The following HRH4 variants were observed in gnomAD, a reference collection of about 807,000 sequenced individuals.
HRH4 encodes histamine receptor H4.
HRH4 carries 12 observed loss-of-function variants against 10.4 expected under a neutral mutation model. That is an observed-to-expected ratio of 1.15 (90% CI 0.74 to 1.87). The LOEUF (loss-of-function observed/expected upper bound fraction) is 1.87. Among genes scored for constraint, HRH4 ranks in the 40% most tolerant of loss-of-function variants. The pLI, the probability that HRH4 is intolerant of heterozygous loss-of-function variation, is 0.00. For missense variants in HRH4, 415 were observed against 453.3 expected, an observed-to-expected ratio of 0.92 and a Z score of 0.77; for synonymous variants, 154 against 166.6, an observed-to-expected ratio of 0.92 and a Z score of 0.58.
At chr18:24,476,696 T>C (rs183259426) in intron 2 of HRH4, 51 bp from the exon 3 acceptor site, 1 of 1,321,058 alleles carries the variant, frequency 7.6e-7, no homozygotes. Context: ...AGATACTTTA[T>C]GCATTCAACA....
chr18:24,465,630 T>C (rs1472116291), intron 1 of HRH4, among the ~76,000 whole-genome samples: 7 of 152,192 alleles, frequency 4.6e-5, no homozygotes, highest in Admixed American at 1.3e-4. Context: ...AGAGAAATAG[T>C]TCAGATTCCG....
chr18:24,460,771 C>A lies in HRH4; in HGVS notation c.43C>A (p.Arg15Ser). 1.3e-6 allele frequency: 2 copies of A among 1,540,504 alleles called. No homozygotes were observed. Among genetic ancestry groups the A allele is most frequent in the Non-Finnish European group, 1.8e-6 (2 of 1,130,658 alleles). Residue 15 changes from arginine to serine, a missense_variant, in exon 1 of 3, where the codon CGT (arginine) becomes AGT (serine). Coordinates refer to ENST00000256906, the MANE Select transcript of HRH4 (RefSeq NM_021624.4). ...NSTINLSLST[R>S]VTLAFFMSLV... is the part of the protein sequence containing the mutation. ...CACAATCAATTTATCACTAAGCACTCGTGTTACTTTAGCATTTTTTATGTC... is the reference window on the plus strand; with the variant it reads ...CACAATCAATTTATCACTAAGCACTAGTGTTACTTTAGCATTTTTTATGTC...
At chr18:24,464,671 C>A (rs549600616) in intron 1 of HRH4, among the ~76,000 whole-genome samples, 193 of 152,158 alleles carry the variant, frequency 1.3e-3, no homozygotes, top group Non-Finnish European at 1.7e-3. Context: ...AGATGGGTGG[C>A]AATTTTAAAG....
chr18:24,465,077 A>G (rs1909738712), intron 1 of HRH4, among the ~76,000 whole-genome samples: 1 of 152,014 alleles, frequency 6.6e-6, no homozygotes, highest in Non-Finnish European at 1.5e-5. Context: ...ACTTGAGGCC[A>G]GGAGTTCGAG....
intron 1 of HRH4, among the ~76,000 whole-genome samples, chr18:24,467,476 G>A (rs1909807893): frequency 6.6e-6 from 1 of 152,184 alleles, no homozygotes; most frequent in South Asian, 2.1e-4. Flanking sequence ...AAGAAAGAGG[G>A]CATGGAGGAG....
Position 24,476,744 on chromosome 18 carries a change from T to G in HRH4, c.358-3T>G. ...ATATTGAAAATAATTTGGTTTCTTCTAGGTGTCTTATAGAACTCAACATAC... is the reference window on the plus strand; with the variant it reads ...ATATTGAAAATAATTTGGTTTCTTCGAGGTGTCTTATAGAACTCAACATAC... On this transcript the variant is annotated splice_region_variant and splice_polypyrimidine_tract_variant and intron_variant, in intron 2 of 2. Transcript: ENST00000256906. 6.2e-7 allele frequency: 1 copy of G among 1,606,876 alleles called. No individual in the cohort carries two copies. Among genetic ancestry groups the G allele is most frequent in the South Asian group, 1.1e-5 (1 of 90,764 alleles).
intron 2 of HRH4, 86 bp from the exon 3 acceptor site, chr18:24,476,661 T>G (rs534666742): frequency 2.9e-6 from 3 of 1,020,246 alleles, no homozygotes; most frequent in Non-Finnish European, 4.4e-6. Context: ...CCTTTGCACA[T>G]CCCTGAAATT....
intron 2 of HRH4, 110 bp downstream of exon 2, chr18:24,469,061 T>A: frequency 1.3e-6 from 1 of 741,562 alleles, no homozygotes; most frequent in Non-Finnish European, 2.1e-6. Context: ...CGACAGGCCT[T>A]AGAGGAACCC....
At chr18:24,461,842 C>T (rs554007883) in intron 1 of HRH4, among the ~76,000 whole-genome samples, 2 of 151,000 alleles carry the variant, frequency 1.3e-5, no homozygotes, top group African/African-American at 4.9e-5. Context: ...TAGTATCTAG[C>T]CTGTATAATA....
chr18:24,470,145 T>C lies in HRH4; in HGVS notation c.357+1194T>C, dbSNP rs75856479. 1.3e-3 allele frequency among the ~76,000 whole-genome samples: 202 copies of C among 152,246 alleles called. No individual in the cohort carries two copies. In the East Asian group the frequency reaches 0.014, roughly 10 times the overall value. On this transcript the variant is annotated intron_variant, in intron 2 of 2. Transcript: ENST00000256906. ...GAAGGTGTATTAGATCAGGCATAGATAAACTGCTGTGACAAAGAGTCTCCA... is the reference window on the plus strand; with the variant it reads ...GAAGGTGTATTAGATCAGGCATAGACAAACTGCTGTGACAAAGAGTCTCCA...
At chr18:24,468,495 G>A (rs1288016693) in intron 1 of HRH4, among the ~76,000 whole-genome samples, 2 of 152,186 alleles carry the variant, frequency 1.3e-5, no homozygotes, top group African/African-American at 4.8e-5. Context: ...TACAGATGCA[G>A]TTTTTTTCCA....
intron 1 of HRH4, among the ~76,000 whole-genome samples, chr18:24,463,513 G>T (rs1395559105): frequency 6.6e-6 from 1 of 152,200 alleles, no homozygotes; most frequent in African/African-American, 2.4e-5. Flanking sequence ...CTGGAAGAAG[G>T]CGTGGACGTG....
chr18:24,476,871 G>A lies in HRH4; in HGVS notation c.482G>A (p.Gly161Asp), dbSNP rs1910149852. 1.2e-6 allele frequency: 2 copies of A among 1,614,202 alleles called. No individual in the cohort carries two copies. The highest frequency in any genetic ancestry group is 1.3e-5 in the African/African-American group (1 of 75,050). ...ILVSESWKDE[G>D]SECEPGFFSE... ...GTTTCAGAGTCTTGGAAGGATGAAG[G>A]TAGTGAATGTGAACCTGGATTTTTT... Residue 161 changes from glycine to aspartate, a missense_variant, in exon 3 of 3, where the codon GGT becomes GAT. Gly to Asp is a moderately conservative substitution (Grantham distance 94). Coordinates refer to ENST00000256906, the MANE Select transcript of HRH4 (RefSeq NM_021624.4).
Position 24,478,351 on chromosome 18 carries a change from C to G in HRH4, c.*789C>G, listed in dbSNP as rs577562816. 2 of 152,248 alleles carry G rather than the reference C, an allele frequency of 1.3e-5. No individual in the cohort carries two copies. Among genetic ancestry groups the G allele is most frequent in the African/African-American group, 4.8e-5 (2 of 41,540 alleles). 9.4% of individuals were successfully genotyped at this position (152,248 alleles called of 1,614,324 possible). ...GACTGCATGATTAAACTAGATAGAC[C>G]TGGTATACAGTCACTGAACTAGTAG... is the stretch of plus-strand genomic sequence containing the variant. On this transcript the variant is annotated 3_prime_UTR_variant, in exon 3 of 3. Transcript: ENST00000256906.
At chr18:24,474,530 AT>A (rs1248609540) in intron 2 of HRH4, among the ~76,000 whole-genome samples, 2 of 152,214 alleles carry the variant, frequency 1.3e-5, no homozygotes, top group Non-Finnish European at 2.9e-5. Flanking sequence ...ATGAGAAACC[AT>A]TGCAGAACGA....
Position 24,478,378 on chromosome 18 carries a change from T to G in HRH4, c.*816T>G, listed in dbSNP as rs1284362218. On this transcript the variant is annotated 3_prime_UTR_variant, in exon 3 of 3. Transcript: ENST00000256906. ...GGTATACAGTCACTGAACTAGTAGA[T>G]GTCAATAATTATTATTTTTAAAAAT... 1 of 152,218 alleles carries G rather than the reference T, an allele frequency of 6.6e-6. No individual in the cohort carries two copies. The highest frequency in any genetic ancestry group is 1.5e-5 in the Non-Finnish European group (1 of 68,078). 9.4% of individuals were successfully genotyped at this position (152,218 alleles called of 1,614,324 possible).
chr18:24,466,920 C>T (rs755161032), intron 1 of HRH4, among the ~76,000 whole-genome samples: 18 of 152,328 alleles, frequency 1.2e-4, no homozygotes, highest in East Asian at 1.9e-4. Flanking sequence ...AAAGGAACCT[C>T]GTTTCGTCAC....
chr18:24,461,687 T>C (rs557242821), intron 1 of HRH4, among the ~76,000 whole-genome samples: 3 of 152,302 alleles, frequency 2.0e-5, no homozygotes, highest in East Asian at 1.9e-4. Context: ...CTTACATTTA[T>C]GTTAAAGTGA....
chr18:24,476,657 C>T, intron 2 of HRH4, 90 bp from the exon 3 acceptor site: 4 of 992,970 alleles, frequency 4.0e-6, no homozygotes, highest in Non-Finnish European at 4.6e-6. Flanking sequence ...CCATCCTTTG[C>T]ACATCCCTGA....
Sources: allele counts gnomAD v4.1 joint callset (sites outside exome capture counted in the v4.1 genomes callset), GRCh38; gene constraint gnomAD v4.1.1; transcripts MANE v1.5; gene names NCBI Gene and HGNC (gene_info 2026-07-23, HGNC 2026-07-21).